CCDC192: variants seen among roughly 807,000 people sequenced by gnomAD.
CCDC192 encodes the protein coiled-coil domain-containing protein 192.
chr5:127,779,218 AT>A (rs1392542747), intron 3 of CCDC192, among the ~76,000 whole-genome samples: 1 of 152,066 alleles, frequency 6.6e-6, no homozygotes, highest in Non-Finnish European at 1.5e-5. Flanking sequence ...TTTCCTCTGC[AT>A]CACATAAGTT....
chr5:127,917,428 T>A (rs1280517323), intron 6 of CCDC192, among the ~76,000 whole-genome samples: 2 of 152,262 alleles, frequency 1.3e-5, no homozygotes, highest in African/African-American at 2.4e-5. Context: ...ACCTTTGGCC[T>A]ACCTTGGCTT....
At chr5:127,779,445 G>A (rs781368493) in intron 3 of CCDC192, among the ~76,000 whole-genome samples, 45 of 152,034 alleles carry the variant, frequency 3.0e-4, no homozygotes, top group Middle Eastern at 3.4e-3. Context: ...ACAGGTGCCC[G>A]CCACCACGCC....
intron 6 of CCDC192, among the ~76,000 whole-genome samples, chr5:127,915,946 C>T (rs541416867): frequency 1.3e-5 from 2 of 152,302 alleles, no homozygotes; most frequent in Admixed American, 1.3e-4. Context: ...AAGTTAGCTG[C>T]ATTGATTAGC....
intron 2 of CCDC192, among the ~76,000 whole-genome samples, chr5:127,710,408 C>T (rs1042550372): frequency 1.3e-5 from 2 of 151,792 alleles, no homozygotes; most frequent in Non-Finnish European, 2.9e-5. Flanking sequence ...ATGAAGATTT[C>T]TTGACCACCA....
At position 127,931,951 on chromosome 5, in the gene CCDC192, A is replaced by T. The variant is rs549066183; in HGVS notation, c.536-9231A>T. On this transcript the variant is annotated intron_variant, in intron 6 of 6. Coordinates refer to ENST00000514853, the MANE Select transcript of CCDC192 (RefSeq NM_001317938.2). ...TGGATCACGAGGTCAGGAGATCGAGACCATCCTGGCCAACATGGCGAAACC... is the reference window on the plus strand; with the variant it reads ...TGGATCACGAGGTCAGGAGATCGAGTCCATCCTGGCCAACATGGCGAAACC... Among the ~76,000 whole-genome samples, 22 of 152,006 alleles carry T rather than the reference A, an allele frequency of 1.4e-4. 2 individuals carry two copies. In the South Asian group the frequency reaches 4.4e-3, roughly 30 times the overall value.
chr5:127,886,641 C>T (rs937267651), intron 6 of CCDC192, among the ~76,000 whole-genome samples: 2 of 152,146 alleles, frequency 1.3e-5, no homozygotes, highest in African/African-American at 4.8e-5. Context: ...GTATATGATA[C>T]ATATAACACA....
At chr5:127,920,261 T>A (rs996338025) in intron 6 of CCDC192, among the ~76,000 whole-genome samples, 2 of 152,146 alleles carry the variant, frequency 1.3e-5, no homozygotes, top group Non-Finnish European at 2.9e-5. Flanking sequence ...CTGTGATTTA[T>A]CATGAATAGA....
intron 6 of CCDC192, among the ~76,000 whole-genome samples, chr5:127,921,333 A>C (rs2127190523): frequency 6.7e-6 from 1 of 149,728 alleles, no homozygotes; most frequent in Admixed American, 6.7e-5. Flanking sequence ...TGATGACATT[A>C]GTATACTAAA....
At chr5:127,837,609 C>T (rs1347068292) in intron 5 of CCDC192, among the ~76,000 whole-genome samples, 1 of 152,228 alleles carries the variant, frequency 6.6e-6, no homozygotes, top group African/African-American at 2.4e-5. Flanking sequence ...ACAGGGATTA[C>T]ACTTCACTAT....
chr5:127,729,138 C>T (rs1022123783), intron 2 of CCDC192, among the ~76,000 whole-genome samples: 2 of 152,100 alleles, frequency 1.3e-5, no homozygotes, highest in Non-Finnish European at 2.9e-5. Flanking sequence ...AACTCCTGAC[C>T]TCAGATGATC....
chr5:127,935,157 CCTAA>C (rs1754152949), intron 6 of CCDC192: 1 of 152,174 alleles, frequency 6.6e-6, no homozygotes, highest in Non-Finnish European at 1.5e-5. Flanking sequence ...CCCTTTAGGG[CCTAA>C]CTCAGTGCTG....
At chr5:127,809,207 G>A (rs1239904928) in intron 5 of CCDC192, among the ~76,000 whole-genome samples, 1 of 151,996 alleles carries the variant, frequency 6.6e-6, no homozygotes, top group Non-Finnish European at 1.5e-5. Context: ...AAGGATCTGA[G>A]ATTGTTAATA....
chr5:127,760,379 G>T (rs1254174977), intron 3 of CCDC192, among the ~76,000 whole-genome samples: 3 of 151,756 alleles, frequency 2.0e-5, no homozygotes, highest in Non-Finnish European at 4.4e-5. Context: ...TAAGGAAGAT[G>T]CCTAATGATT....
chr5:127,838,204 C>G (rs1750119838), intron 5 of CCDC192, among the ~76,000 whole-genome samples: 2 of 152,156 alleles, frequency 1.3e-5, no homozygotes, highest in South Asian at 4.1e-4. Flanking sequence ...AGCAAGAAGC[C>G]TAGTTTCTAC....
chr5:127,719,830 G>GGT lies in CCDC192; in HGVS notation c.114+12071_114+12072insTG, dbSNP rs34096238. Among the ~76,000 whole-genome samples the GGT allele has an allele frequency of 5.4e-4, 51 of 94,338 alleles. 2 individuals carry two copies. The highest frequency in any genetic ancestry group is 9.8e-4 in the Non-Finnish European group (41 of 41,988). The allele number at this position is 94,338 out of a possible 152,430, so 61.9% of individuals were successfully genotyped here. ...GTCTCGCATGGCCAGATCAGAGGAA[G>GGT]GGGCGGGGGAGGTGACACATGCTTT... On this transcript the variant is annotated intron_variant, in intron 2 of 6. Coordinates refer to ENST00000514853, the MANE Select transcript of CCDC192 (RefSeq NM_001317938.2).
At chr5:127,889,187 A>C (rs550752130) in intron 6 of CCDC192, among the ~76,000 whole-genome samples, 1 of 152,292 alleles carries the variant, frequency 6.6e-6, no homozygotes, top group South Asian at 2.1e-4. Flanking sequence ...ATGCTGCTGA[A>C]CGCTTTTACT....
chr5:127,802,132 C>G (rs922283216), intron 5 of CCDC192, among the ~76,000 whole-genome samples: 3 of 152,196 alleles, frequency 2.0e-5, no homozygotes, highest in Non-Finnish European at 4.4e-5. Context: ...ATACACTACA[C>G]TTTGTTGACA....
chr5:127,785,765 A>G, intron 3 of CCDC192: 1 of 239,462 alleles, frequency 4.2e-6, no homozygotes, highest in East Asian at 1.2e-4. Context: ...TTTCTTCAAG[A>G]ACGAGTCATA....
intron 5 of CCDC192, among the ~76,000 whole-genome samples, chr5:127,808,329 C>CT (rs35033109): frequency 2.2e-4 from 33 of 151,740 alleles, no homozygotes; most frequent in African/African-American, 8.0e-4. Context: ...GTATATCTAC[C>CT]TTTTTTTTCA....
Sources: gnomAD v4.1 joint callset for allele counts (sites outside exome capture counted in the v4.1 genomes callset) on GRCh38, gnomAD v4.1.1 for gene constraint, MANE v1.5 for transcripts, NCBI Gene and HGNC (gene_info 2026-07-23, HGNC 2026-07-21) for gene names.